Variants in DMD observed in about 807,000 individuals in gnomAD.
DMD encodes dystrophin.
DMD carries 63 observed loss-of-function variants against 330.1 expected under a neutral mutation model. The observed-to-expected ratio is 0.19, with a 90% CI of 0.16 to 0.24. The LOEUF (loss-of-function observed/expected upper bound fraction) is 0.24. Among genes scored for constraint, DMD ranks in the 10% least tolerant of loss-of-function variants. The pLI is 1.00. For synonymous variants in DMD, 1,223 were observed against 959.8 expected, an observed-to-expected ratio of 1.27 and a Z score of -5.07; for missense variants, 3,344 against 2,684.1, an observed-to-expected ratio of 1.25 and a Z score of -5.43.
intron 12 of DMD, among the ~76,000 whole-genome samples, chrX:32,596,544 AT>A (rs774794747): frequency 3.0e-5 from 3 of 98,658 alleles, no homozygotes; most frequent in Middle Eastern, 5.2e-3. Flanking sequence ...TACTTTTTTT[AT>A]TTTTTTTTTC....
At chrX:33,002,850 G>GAAAAAAAA (rs145168802) in intron 2 of DMD, among the ~76,000 whole-genome samples, 1 of 38,755 alleles carries the variant, frequency 2.6e-5, no homozygotes, top group Admixed American at 4.3e-4. Flanking sequence ...TTTTTTTCTC[G>GAAAAAAAA]AAAAAAAAAA....
chrX:31,833,955 T>C (rs1301697957), intron 49 of DMD, among the ~76,000 whole-genome samples: 2 of 110,858 alleles, frequency 1.8e-5, no homozygotes, highest in Non-Finnish European at 3.8e-5. Flanking sequence ...AGTTTCCAAA[T>C]GCACCTCCCC....
chrX:33,010,388 T>A (rs376361853), intron 2 of DMD, among the ~76,000 whole-genome samples: 20 of 108,236 alleles, frequency 1.8e-4, no homozygotes, highest in South Asian at 1.2e-3. Flanking sequence ...ACACATTTTT[T>A]AAAAAATAGG....
intron 1 of DMD, among the ~76,000 whole-genome samples, chrX:33,137,351 G>T (rs953167140): frequency 8.9e-6 from 1 of 111,797 alleles, no homozygotes; most frequent in African/African-American, 3.2e-5. Context: ...TTTTATAGTG[G>T]TGGGGGGAGG....
chrX:32,754,093 C>G (rs1185867853), intron 7 of DMD, among the ~76,000 whole-genome samples: 1 of 111,627 alleles, frequency 9.0e-6, no homozygotes, highest in Non-Finnish European at 1.9e-5. Flanking sequence ...AGCACAGAAC[C>G]TGTGGTAGCT....
chrX:31,667,359 T>C (rs1176399054), intron 53 of DMD, among the ~76,000 whole-genome samples: 1 of 111,835 alleles, frequency 8.9e-6, no homozygotes, highest in Non-Finnish European at 1.9e-5. Flanking sequence ...GTTCTACTTT[T>C]TGGCTATTAT....
Position 32,016,496 on chromosome X carries a change from C to T in DMD, c.6439-47982G>A, listed in dbSNP as rs191887096. On this transcript the variant is annotated intron_variant, in intron 44 of 78. Coordinates refer to ENST00000357033, the MANE Select transcript of DMD (RefSeq NM_004006.3). The stretch of plus-strand genomic sequence containing the variant: ...AAAGCACAAGCACATAGGACAGAGG[C>T]GGTATCTAGCACATCTTTTTCTCTC... Among the ~76,000 whole-genome samples the T allele has an allele frequency of 4.1e-3, 456 of 111,951 alleles. 3 individuals carry two copies. The highest frequency in any genetic ancestry group is 0.014 in the African/African-American group (418 of 30,831).
chrX:32,437,989 G>T (rs2098267913), intron 29 of DMD, among the ~76,000 whole-genome samples: 1 of 111,867 alleles, frequency 8.9e-6, no homozygotes, highest in South Asian at 3.7e-4. Flanking sequence ...GTAAGGAAAA[G>T]AACTCTGTGG....
chrX:32,557,817 T>G (rs979589611), intron 16 of DMD, among the ~76,000 whole-genome samples: 1 of 111,236 alleles, frequency 9.0e-6, no homozygotes, highest in Non-Finnish European at 1.9e-5. Flanking sequence ...TGCTTTATCT[T>G]ATGAAGTATA....
intron 1 of DMD, among the ~76,000 whole-genome samples, chrX:33,135,348 T>C (rs943765328): frequency 8.9e-6 from 1 of 112,277 alleles, no homozygotes. Context: ...GTCCAACACG[T>C]GTTATTTAAA....
chrX:32,191,515 A>T (rs1305107427), intron 44 of DMD, among the ~76,000 whole-genome samples: 1 of 111,172 alleles, frequency 9.0e-6, no homozygotes, highest in African/African-American at 3.3e-5. Flanking sequence ...TTTGTTGTAT[A>T]CTCTTTGCCA....
At chrX:32,967,529 G>C (rs950756052) in intron 2 of DMD, among the ~76,000 whole-genome samples, 2 of 111,318 alleles carry the variant, frequency 1.8e-5, no homozygotes, top group African/African-American at 6.5e-5. Flanking sequence ...TTATTAACCT[G>C]AAGAATGCTG....
intron 1 of DMD, among the ~76,000 whole-genome samples, chrX:33,203,657 T>A (rs1250162987): frequency 9.2e-6 from 1 of 108,700 alleles, no homozygotes; most frequent in African/African-American, 3.4e-5. Flanking sequence ...TCTAGATGTG[T>A]CTTCTCTGAT....
intron 63 of DMD, among the ~76,000 whole-genome samples, chrX:31,242,797 T>C (rs1447536985): frequency 1.8e-5 from 2 of 109,531 alleles, no homozygotes; most frequent in Non-Finnish European, 3.8e-5. Context: ...TAAAGTAACC[T>C]TGAAAAGCAA....
chrX:32,712,870 C>T (rs1434783369), intron 7 of DMD, among the ~76,000 whole-genome samples: 4 of 111,321 alleles, frequency 3.6e-5, no homozygotes, highest in Admixed American at 9.6e-5. Context: ...TAATATTCTT[C>T]TACATTGTAA....
intron 55 of DMD, among the ~76,000 whole-genome samples, chrX:31,591,296 CAAG>C (rs2076857882): frequency 9.0e-6 from 1 of 110,792 alleles, no homozygotes; most frequent in Admixed American, 9.6e-5. Flanking sequence ...ATGAAGAGAA[CAAG>C]AATAGCCCCA....
intron 48 of DMD, among the ~76,000 whole-genome samples, chrX:31,871,706 T>G (rs2093893302): frequency 9.5e-6 from 1 of 105,433 alleles, no homozygotes; most frequent in Admixed American, 1.0e-4. Context: ...GTAAAGGTGT[T>G]TTTTTTTTTT....
intron 2 of DMD, among the ~76,000 whole-genome samples, chrX:33,015,096 A>G (rs919474089): frequency 1.8e-5 from 2 of 111,743 alleles, no homozygotes; most frequent in African/African-American, 6.5e-5. Context: ...CCATTGTGGA[A>G]GTCAGTGTAG....
chrX:31,494,390 G>T (rs1192053301), intron 57 of DMD, among the ~76,000 whole-genome samples: 1 of 111,392 alleles, frequency 9.0e-6, no homozygotes, highest in East Asian at 2.8e-4. Context: ...TTAAAATTTA[G>T]ATGATTGAAT....
Sources: gnomAD v4.1 joint callset for allele counts (sites outside exome capture counted in the v4.1 genomes callset) on GRCh38, gnomAD v4.1.1 for gene constraint, MANE v1.5 for transcripts, NCBI Gene and HGNC (gene_info 2026-07-23, HGNC 2026-07-21) for gene names.